The following HDAC9 variants were observed in gnomAD, a reference collection of about 807,000 sequenced individuals.
The protein encoded by HDAC9 is MEF-2 interacting transcription repressor (MITR) protein.
A neutral mutation model predicts 139.4 loss-of-function variants in HDAC9; 41 were observed. The observed-to-expected ratio is 0.29, with a 90% CI of 0.23 to 0.38. The LOEUF (loss-of-function observed/expected upper bound fraction) is 0.38, where lower values mean the gene tolerates loss of function less well. Ranked by LOEUF, HDAC9 falls within the 10% of genes least tolerant of loss-of-function variation. The pLI is 1.00. For synonymous variants in HDAC9, 517 were observed against 476.2 expected (o/e 1.09, Z -1.12); for missense variants, 1,147 against 1,297.0 (o/e 0.88, Z 1.78).
intron 2 of HDAC9, chr7:18,578,194 AAAT>A (rs900859861): frequency 1.2e-5 from 6 of 518,882 alleles, no homozygotes; most frequent in Non-Finnish European, 2.3e-5. Context: ...AACTGAGGGA[AAAT>A]GTTTGGGCTT....
At chr7:18,849,461 A>C (rs1490976001) in intron 21 of HDAC9, among the ~76,000 whole-genome samples, 2 of 152,206 alleles carry the variant, frequency 1.3e-5, no homozygotes. Context: ...AATATTTTAC[A>C]GTCATATATT....
chr7:18,901,207 CAT>C (rs3085465), intron 22 of HDAC9, among the ~76,000 whole-genome samples: 11,386 of 138,756 alleles, frequency 0.082, 587 homozygotes, highest in South Asian at 0.25. Flanking sequence ...ACTATATATA[CAT>C]ATATATATAT....
At chr7:18,320,533 T>C (rs1431531263) in intron 1 of HDAC9, among the ~76,000 whole-genome samples, 1 of 152,182 alleles carries the variant, frequency 6.6e-6, no homozygotes, top group African/African-American at 2.4e-5. Flanking sequence ...CAGAGGACTC[T>C]TGAATTTGGC....
chr7:18,535,272 A>C (rs936483481), intron 2 of HDAC9, among the ~76,000 whole-genome samples: 6 of 152,144 alleles, frequency 3.9e-5, no homozygotes, highest in African/African-American at 1.4e-4. Flanking sequence ...TGGTCAATCC[A>C]TCATTTTTAT....
At chr7:18,773,979 T>TAA (rs1790539410) in intron 16 of HDAC9, among the ~76,000 whole-genome samples, 1 of 149,138 alleles carries the variant, frequency 6.7e-6, no homozygotes, top group Admixed American at 6.8e-5. Flanking sequence ...CTTTCATTAA[T>TAA]GGAGAACAAC....
chr7:18,177,148 G>C (rs953984345), intron 2 of HDAC9, among the ~76,000 whole-genome samples: 5 of 152,036 alleles, frequency 3.3e-5, no homozygotes, highest in Non-Finnish European at 7.4e-5. Context: ...TTCTGCCTAA[G>C]TCCAGAAAAG....
chr7:18,763,335 G>T (rs1789548397), intron 15 of HDAC9, among the ~76,000 whole-genome samples: 1 of 152,180 alleles, frequency 6.6e-6, no homozygotes, highest in African/African-American at 2.4e-5. Context: ...ATGAAGTGCA[G>T]GCATATGAGT....
intron 6 of HDAC9, among the ~76,000 whole-genome samples, chr7:18,619,657 A>G (rs905096681): frequency 4.6e-5 from 7 of 152,192 alleles, no homozygotes; most frequent in Non-Finnish European, 7.3e-5. Flanking sequence ...TCTGAGAAGG[A>G]GCCAGAAGAG....
At chr7:18,731,616 A>C (rs1220823496) in intron 13 of HDAC9, among the ~76,000 whole-genome samples, 5 of 152,146 alleles carry the variant, frequency 3.3e-5, no homozygotes, top group African/African-American at 1.2e-4. Context: ...AAATTGCATA[A>C]AATTATTTTT....
chr7:18,762,546 G>GA (rs1372375598), intron 15 of HDAC9, among the ~76,000 whole-genome samples: 1 of 152,088 alleles, frequency 6.6e-6, no homozygotes, highest in Non-Finnish European at 1.5e-5. Flanking sequence ...TTTGCATATA[G>GA]AAAAAACTAC....
At chr7:18,874,672 C>A (rs1050476235) in intron 22 of HDAC9, 76 bp downstream of exon 22, 3 of 797,898 alleles carry the variant, frequency 3.8e-6, no homozygotes, top group African/African-American at 1.7e-5. Flanking sequence ...TAGACACCAC[C>A]TTTTACATGT....
chr7:18,123,850 C>G (rs1330966417), intron 1 of HDAC9, among the ~76,000 whole-genome samples: 1 of 152,192 alleles, frequency 6.6e-6, no homozygotes, highest in Non-Finnish European at 1.5e-5. Flanking sequence ...GTTAATTTAA[C>G]ATCTCATTTA....
intron 1 of HDAC9, among the ~76,000 whole-genome samples, chr7:18,160,999 G>T (rs2128126782): frequency 6.6e-6 from 1 of 152,208 alleles, no homozygotes; most frequent in Middle Eastern, 3.4e-3. Context: ...TTATCTTTCT[G>T]TAGAGATGTT....
chr7:18,734,227 A>G (rs1562896092), intron 13 of HDAC9, among the ~76,000 whole-genome samples: 1 of 151,970 alleles, frequency 6.6e-6, no homozygotes, highest in Non-Finnish European at 1.5e-5. Flanking sequence ...GTGATGTGTG[A>G]TCAGTGATCT....
At chr7:18,531,624 CA>C (rs1371522524) in intron 2 of HDAC9, among the ~76,000 whole-genome samples, 1 of 151,694 alleles carries the variant, frequency 6.6e-6, no homozygotes, top group African/African-American at 2.4e-5. Context: ...CTTTAATAGA[CA>C]AAATACTGGA....
intron 11 of HDAC9, among the ~76,000 whole-genome samples, chr7:18,665,504 A>G (rs1396227454): frequency 1.4e-5 from 2 of 140,010 alleles, no homozygotes; most frequent in South Asian, 4.3e-4. Context: ...TAATTTATAA[A>G]ATAAATAAAA....
chr7:18,397,156 C>A (rs1787138729), intron 1 of HDAC9, among the ~76,000 whole-genome samples: 1 of 152,076 alleles, frequency 6.6e-6, no homozygotes, highest in Non-Finnish European at 1.5e-5. Context: ...AGAAGGCACA[C>A]AGCTTTTAAA....
intron 2 of HDAC9, among the ~76,000 whole-genome samples, chr7:18,514,782 T>C (rs1369719012): frequency 1.3e-5 from 2 of 151,798 alleles, no homozygotes; most frequent in East Asian, 3.9e-4. Flanking sequence ...TCTACAAAAA[T>C]AAAAACGAAA....
At chr7:18,606,652 G>C (rs1835592291) in intron 6 of HDAC9, among the ~76,000 whole-genome samples, 1 of 152,076 alleles carries the variant, frequency 6.6e-6, no homozygotes, top group Admixed American at 6.5e-5. Flanking sequence ...TATCAAATTA[G>C]AAAATTTTAG....
Sources: allele counts gnomAD v4.1 joint callset (sites outside exome capture counted in the v4.1 genomes callset), GRCh38; gene constraint gnomAD v4.1.1; transcripts MANE v1.5; gene names NCBI Gene and HGNC (gene_info 2026-07-23, HGNC 2026-07-21).